Variants in HS6ST3 observed in about 807,000 individuals in gnomAD.
HS6ST3 encodes the protein heparan sulfate 6-O-sulfotransferase 3, also known as heparan-sulfate 6-O-sulfotransferase 3.
In HS6ST3, 12 loss-of-function variants were observed where a neutral mutation model predicts 36.7. The ratio of observed to expected loss-of-function variants is 0.33; its 90% CI spans 0.21 to 0.53. HS6ST3 has a LOEUF of 0.53. Ranked by LOEUF, HS6ST3 falls within the 20% of genes least tolerant of loss-of-function variation. The probability of loss-of-function intolerance (pLI) is 0.95; values close to 1 mark genes in which losing one functional copy is unlikely to be tolerated. For missense variants in HS6ST3, 584 were observed against 640.9 expected (o/e 0.91, Z 0.96); for synonymous variants, 240 against 257.5 (o/e 0.93, Z 0.65).
chr13:96,259,676 G>T (rs2139382250), intron 1 of HS6ST3, among the ~76,000 whole-genome samples: 1 of 152,238 alleles, frequency 6.6e-6, no homozygotes, highest in East Asian at 1.9e-4. Context: ...ATTTTTCTTT[G>T]ATTCTGTCTG....
chr13:96,516,063 C>CT lies in HS6ST3; in HGVS notation c.708-316411dup, dbSNP rs1298327274. 7.1e-3 allele frequency among the ~76,000 whole-genome samples: 999 copies of CT among 140,248 alleles called. 1 individual carries two copies. The highest frequency in any genetic ancestry group is 8.5e-3 in the Non-Finnish European group (547 of 63,978). 92.0% of individuals were successfully genotyped at this position (140,248 alleles called of 152,430 possible). A position where few individuals can be genotyped will look rare whatever the true frequency, so the allele number is the denominator to read the frequency against. ...ATGTTGAAGATGCTAACAGCATTAACTTTTTTTTTTTTTTTTGAGACACAG... is the reference window on the plus strand; with the variant it reads ...ATGTTGAAGATGCTAACAGCATTAACTTTTTTTTTTTTTTTTTGAGACACAG... On this transcript the variant is annotated intron_variant, in intron 1 of 1. Coordinates refer to ENST00000376705, the MANE Select transcript of HS6ST3 (RefSeq NM_153456.4).
At chr13:96,165,162 T>A (rs1755060061) in intron 1 of HS6ST3, among the ~76,000 whole-genome samples, 1 of 152,236 alleles carries the variant, frequency 6.6e-6, no homozygotes, top group Non-Finnish European at 1.5e-5. Context: ...TTTCTTTTTT[T>A]AAAAGTTATT....
intron 1 of HS6ST3, among the ~76,000 whole-genome samples, chr13:96,248,809 T>C (rs986940628): frequency 6.6e-6 from 1 of 152,214 alleles, no homozygotes; most frequent in Non-Finnish European, 1.5e-5. Context: ...TTAATTCAGA[T>C]GAGGAATGCC....
At chr13:96,793,590 C>T (rs908818172) in intron 1 of HS6ST3, among the ~76,000 whole-genome samples, 5 of 152,042 alleles carry the variant, frequency 3.3e-5, no homozygotes, top group Non-Finnish European at 5.9e-5. Context: ...CATGGTAGCA[C>T]GTTATTTCTC....
intron 1 of HS6ST3, among the ~76,000 whole-genome samples, chr13:96,155,722 T>C (rs1473254452): frequency 6.6e-6 from 1 of 152,232 alleles, no homozygotes; most frequent in Non-Finnish European, 1.5e-5. Context: ...TAGTTTATCT[T>C]GATCTGCAAT....
At chr13:96,607,678 A>G (rs1216367520) in intron 1 of HS6ST3, among the ~76,000 whole-genome samples, 2 of 152,172 alleles carry the variant, frequency 1.3e-5, no homozygotes, top group Admixed American at 1.3e-4. Context: ...TGGTGGTGGT[A>G]TTATTGTTAG....
chr13:96,470,424 A>G (rs114539399), intron 1 of HS6ST3, among the ~76,000 whole-genome samples: 17 of 152,202 alleles, frequency 1.1e-4, no homozygotes, highest in African/African-American at 3.9e-4. Context: ...TATCTTCTTG[A>G]CACATTACTT....
chr13:96,143,128 T>A (rs1226012897), intron 1 of HS6ST3, among the ~76,000 whole-genome samples: 1 of 152,100 alleles, frequency 6.6e-6, no homozygotes, highest in Non-Finnish European at 1.5e-5. Context: ...TCATTTGAAA[T>A]GTCTCTGTGG....
At chr13:96,201,314 A>G (rs1222074994) in intron 1 of HS6ST3, among the ~76,000 whole-genome samples, 2 of 152,118 alleles carry the variant, frequency 1.3e-5, no homozygotes, top group African/African-American at 4.8e-5. Context: ...TCAAATTTCT[A>G]AATTCCTTGC....
At chr13:96,533,418 A>C (rs906338597) in intron 1 of HS6ST3, among the ~76,000 whole-genome samples, 8 of 152,236 alleles carry the variant, frequency 5.3e-5, no homozygotes, top group African/African-American at 1.9e-4. Flanking sequence ...TGAATTAGCT[A>C]TCGGCCTGAC....
At chr13:96,472,562 T>C (rs1222662511) in intron 1 of HS6ST3, among the ~76,000 whole-genome samples, 1 of 152,206 alleles carries the variant, frequency 6.6e-6, no homozygotes, top group East Asian at 1.9e-4. Context: ...TCTTGGCATC[T>C]TGTGCTTGTC....
At chr13:96,664,245 G>C (rs1467060107) in intron 1 of HS6ST3, among the ~76,000 whole-genome samples, 2 of 152,172 alleles carry the variant, frequency 1.3e-5, no homozygotes, top group Non-Finnish European at 2.9e-5. Flanking sequence ...CATGCTGTGT[G>C]TATGTAAGAA....
At position 96,415,297 on chromosome 13, in the gene HS6ST3, G is replaced by A. The variant is rs146815885; in HGVS notation, c.707+323728G>A. Among the ~76,000 whole-genome samples the A allele has an allele frequency of 6.6e-5, 10 of 152,220 alleles. No individual in the cohort carries two copies. The East Asian group carries it at 1.2e-3, about 18-fold the overall frequency. ...GGTAGAGTCATCTTACTCCGTTGCC[G>A]GTGAAATCACAGGAATCCATGAGAA... On this transcript the variant is annotated intron_variant, in intron 1 of 1. Transcript: ENST00000376705.
chr13:96,387,566 T>C (rs1040827936), intron 1 of HS6ST3, among the ~76,000 whole-genome samples: 2 of 152,134 alleles, frequency 1.3e-5, no homozygotes, highest in South Asian at 2.1e-4. Flanking sequence ...CAGCCAAATA[T>C]AGAGATGGAA....
At chr13:96,136,727 G>T (rs1034378193) in intron 1 of HS6ST3, among the ~76,000 whole-genome samples, 2 of 133,154 alleles carry the variant, frequency 1.5e-5, no homozygotes, top group Admixed American at 7.9e-5. Flanking sequence ...ATAGTAAAAT[G>T]GTTACTACAG....
chr13:96,532,552 G>A (rs1475911287), intron 1 of HS6ST3, among the ~76,000 whole-genome samples: 2 of 152,206 alleles, frequency 1.3e-5, no homozygotes, highest in Non-Finnish European at 2.9e-5. Flanking sequence ...CTCAAAGAAG[G>A]TGAGAAAATG....
chr13:96,671,110 C>A (rs943054112), intron 1 of HS6ST3, among the ~76,000 whole-genome samples: 1 of 152,144 alleles, frequency 6.6e-6, no homozygotes, highest in Admixed American at 6.6e-5. Context: ...CAGCCTAAAC[C>A]TGACCTCAAG....
At chr13:96,480,295 G>T (rs1415081893) in intron 1 of HS6ST3, among the ~76,000 whole-genome samples, 1 of 152,038 alleles carries the variant, frequency 6.6e-6, no homozygotes, top group Non-Finnish European at 1.5e-5. Context: ...TGTATTTTTA[G>T]TAGAGATGCG....
intron 1 of HS6ST3, among the ~76,000 whole-genome samples, chr13:96,146,807 G>T (rs1425604062): frequency 3.3e-5 from 5 of 152,172 alleles, no homozygotes; most frequent in Non-Finnish European, 7.4e-5. Flanking sequence ...GTTATTTAAA[G>T]AAATTCAGAG....
Sources: gnomAD v4.1 joint callset for allele counts (sites outside exome capture counted in the v4.1 genomes callset) on GRCh38, gnomAD v4.1.1 for gene constraint, MANE v1.5 for transcripts, NCBI Gene and HGNC (gene_info 2026-07-23, HGNC 2026-07-21) for gene names.